The following ZDHHC14 variants were observed in gnomAD, a reference collection of about 807,000 sequenced individuals.
ZDHHC14 encodes the protein zDHHC palmitoyltransferase 14, also known as palmitoyltransferase ZDHHC14.
In ZDHHC14, 16 loss-of-function variants were observed where a neutral mutation model predicts 47.7. That is an observed-to-expected ratio of 0.34 (90% CI 0.23 to 0.51). ZDHHC14 has a LOEUF of 0.51. ZDHHC14 is among the 20% of genes least tolerant of loss of function. The pLI, the probability that ZDHHC14 is intolerant of heterozygous loss-of-function variation, is 0.97. For missense variants in ZDHHC14, 515 were observed against 662.5 expected, an observed-to-expected ratio of 0.78 and a Z score of 2.44; for synonymous variants, 293 against 278.9, an observed-to-expected ratio of 1.05 and a Z score of -0.50.
chr6:157,591,261 G>C (rs1303582802), intron 2 of ZDHHC14, among the ~76,000 whole-genome samples: 4 of 152,142 alleles, frequency 2.6e-5, no homozygotes, highest in Non-Finnish European at 5.9e-5. Context: ...TTTGGGAGGG[G>C]CCAGGGGCAG....
chr6:157,649,957 G>A (rs1470585527), intron 7 of ZDHHC14, among the ~76,000 whole-genome samples: 3 of 152,118 alleles, frequency 2.0e-5, no homozygotes, highest in South Asian at 4.1e-4. Context: ...GGGGGTGCAC[G>A]GGAGAGGGGC....
At chr6:157,570,230 T>G (rs1783046293) in intron 2 of ZDHHC14, among the ~76,000 whole-genome samples, 1 of 152,254 alleles carries the variant, frequency 6.6e-6, no homozygotes, top group Non-Finnish European at 1.5e-5. Context: ...AAAGCCTGTC[T>G]GATTTTCCTG....
intron 1 of ZDHHC14, among the ~76,000 whole-genome samples, chr6:157,493,633 C>G (rs139488630): frequency 6.6e-6 from 1 of 152,260 alleles, no homozygotes; most frequent in African/African-American, 2.4e-5. Flanking sequence ...GGGATGGACA[C>G]CATCAGGATG....
At chr6:157,615,467 C>T (rs371959810) in intron 3 of ZDHHC14, among the ~76,000 whole-genome samples, 2 of 152,334 alleles carry the variant, frequency 1.3e-5, no homozygotes. Flanking sequence ...GCCAGCACTT[C>T]CTCATTGTGT....
rs148532001 is a variant in ZDHHC14 at position 157,531,868 on chromosome 6, A to G, written c.246-10717A>G. 1.9e-3 allele frequency among the ~76,000 whole-genome samples: 296 copies of G among 152,372 alleles called. 3 individuals carry two copies. The highest frequency in any genetic ancestry group is 3.3e-3 in the Non-Finnish European group (226 of 68,042). On this transcript the variant is annotated intron_variant, in intron 1 of 8. Transcript: ENST00000359775. ...TTACTGCATCTTCGTAACGCCGAAG[A>G]CACTTTTCCGTAGCGGTAACATCTG... is the stretch of plus-strand genomic sequence containing the variant.
chr6:157,571,591 G>C (rs528152405), intron 2 of ZDHHC14, among the ~76,000 whole-genome samples: 98 of 152,186 alleles, frequency 6.4e-4, no homozygotes, highest in African/African-American at 2.0e-3. Context: ...TTTCTCTTTT[G>C]TCTGTGTTTT....
chr6:157,501,127 G>A (rs1780183761), intron 1 of ZDHHC14, among the ~76,000 whole-genome samples: 1 of 152,148 alleles, frequency 6.6e-6, no homozygotes, highest in South Asian at 2.1e-4. Context: ...CCCATTTCTG[G>A]TAGTTCAGAT....
At chr6:157,556,992 C>A (rs544805032) in intron 2 of ZDHHC14, among the ~76,000 whole-genome samples, 1 of 152,172 alleles carries the variant, frequency 6.6e-6, no homozygotes, top group African/African-American at 2.4e-5. Context: ...CCAAGAGACA[C>A]TGAGGGAGGA....
At chr6:157,538,688 C>T (rs921165164) in intron 1 of ZDHHC14, among the ~76,000 whole-genome samples, 4 of 152,086 alleles carry the variant, frequency 2.6e-5, no homozygotes, top group Admixed American at 6.5e-5. Context: ...AAGAAAAACA[C>T]GGTGGGGGTT....
At chr6:157,572,668 C>A (rs183322588) in intron 2 of ZDHHC14, among the ~76,000 whole-genome samples, 28 of 136,238 alleles carry the variant, frequency 2.1e-4, no homozygotes, top group African/African-American at 7.8e-4. Flanking sequence ...CAACAGTCCC[C>A]GGTGTGTGAT....
intron 2 of ZDHHC14, among the ~76,000 whole-genome samples, chr6:157,576,141 T>A (rs1351766685): frequency 6.6e-6 from 1 of 152,208 alleles, no homozygotes; most frequent in Non-Finnish European, 1.5e-5. Flanking sequence ...TCCATTTCCA[T>A]CCTTGAAGAA....
intron 1 of ZDHHC14, among the ~76,000 whole-genome samples, chr6:157,494,183 G>A (rs1375980360): frequency 6.6e-6 from 1 of 152,216 alleles, no homozygotes; most frequent in African/African-American, 2.4e-5. Context: ...TCCCTTTAAA[G>A]TCCCTACATT....
chr6:157,580,153 G>T (rs930430359), intron 2 of ZDHHC14, among the ~76,000 whole-genome samples: 1 of 152,098 alleles, frequency 6.6e-6, no homozygotes, highest in African/African-American at 2.4e-5. Context: ...AGATAATTAT[G>T]TGGTTTTGGG....
In ZDHHC14 at chr6:157,595,174, A is replaced by ATTTTTTTT. The variant is rs777568494; in HGVS notation, c.565+2057_565+2064dup. Reference sequence around the variant, plus strand: ...CCTCTGTTTCTTGTCTCTAGGCTAGATTTTTTTTTTTTTTTTTTTTTTTTT... The same window carrying ATTTTTTTT: ...CCTCTGTTTCTTGTCTCTAGGCTAGATTTTTTTTTTTTTTTTTTTTTTTTTTTTTTTTT... On this transcript the variant is annotated intron_variant, in intron 3 of 8. Coordinates refer to ENST00000359775, the MANE Select transcript of ZDHHC14 (RefSeq NM_024630.3). 2.6e-4 allele frequency among the ~76,000 whole-genome samples: 16 copies of ATTTTTTTT among 62,716 alleles called. 2 individuals carry two copies. Among genetic ancestry groups the ATTTTTTTT allele is most frequent in the Middle Eastern group, 9.8e-3 (1 of 102 alleles). The allele number at this position is 62,716 out of a possible 152,430, so 41.1% of individuals were successfully genotyped here. A position where few individuals can be genotyped will look rare whatever the true frequency, so the allele number is the denominator to read the frequency against.
At chr6:157,402,565 G>C (rs1361584527) in intron 1 of ZDHHC14, among the ~76,000 whole-genome samples, 1 of 152,230 alleles carries the variant, frequency 6.6e-6, no homozygotes, top group Non-Finnish European at 1.5e-5. Context: ...AGTGGGATAT[G>C]ATGGTCCCTA....
chr6:157,407,812 T>A (rs1777796847), intron 1 of ZDHHC14, among the ~76,000 whole-genome samples: 1 of 152,184 alleles, frequency 6.6e-6, no homozygotes, highest in Non-Finnish European at 1.5e-5. Flanking sequence ...CCAGGTTGAT[T>A]AGGATGGCAT....
At position 157,427,832 on chromosome 6, in the gene ZDHHC14, C is replaced by G. The variant is rs113695033; in HGVS notation, c.245+45566C>G. 2.4e-3 allele frequency among the ~76,000 whole-genome samples: 363 copies of G among 152,112 alleles called. No homozygotes were observed. The highest frequency in any genetic ancestry group is 8.5e-3 in the African/African-American group (351 of 41,482). On this transcript the variant is annotated intron_variant, in intron 1 of 8. Coordinates refer to ENST00000359775, the MANE Select transcript of ZDHHC14 (RefSeq NM_024630.3). The surrounding 1 kb of genome is among the most constrained non-coding windows in gnomAD (Gnocchi z 4.4). ...AGATCCTTTCCATGACATTGTGGCC[C>G]CCAAGGACAATGGAATGGTGGGGCT...
At chr6:157,645,641 G>T in intron 5 of ZDHHC14, 96 bp from the exon 6 acceptor site, 1 of 896,106 alleles carries the variant, frequency 1.1e-6, no homozygotes, top group African/African-American at 1.7e-5. Flanking sequence ...CAACTAGAGA[G>T]AGGCCTGTGC....
chr6:157,534,607 G>T (rs141299432), intron 1 of ZDHHC14, among the ~76,000 whole-genome samples: 1 of 149,148 alleles, frequency 6.7e-6, no homozygotes, highest in African/African-American at 2.5e-5. Flanking sequence ...TCATGTTTTT[G>T]AGACAGGGTC....
Sources: gnomAD v4.1 joint callset for allele counts (sites outside exome capture counted in the v4.1 genomes callset) on GRCh38, gnomAD v4.1.1 for gene constraint, Gnocchi (gnomAD v3.1) non-coding constraint, MANE v1.5 for transcripts, NCBI Gene and HGNC (gene_info 2026-07-23, HGNC 2026-07-21) for gene names.